Variants in MITF observed in about 807,000 individuals in gnomAD.
MITF encodes microphthalmia-associated transcription factor.
A neutral mutation model predicts 60.5 loss-of-function variants in MITF; 17 were observed. The ratio of observed to expected loss-of-function variants is 0.28; its 90% CI spans 0.19 to 0.42. The LOEUF (loss-of-function observed/expected upper bound fraction) is 0.42, where lower values mean the gene tolerates loss of function less well. Among genes scored for constraint, MITF ranks in the 10% least tolerant of loss-of-function variants. The pLI is 1.00. For missense variants in MITF, 622 were observed against 683.5 expected (o/e 0.91, Z 1.00); for synonymous variants, 260 against 248.5 (o/e 1.05, Z -0.43).
intron 1 of MITF, among the ~76,000 whole-genome samples, chr3:69,799,053 G>T (rs73838667): frequency 6.6e-6 from 1 of 152,126 alleles, no homozygotes; most frequent in Admixed American, 6.5e-5. Context: ...GGATTACCAT[G>T]GTATGTTTCT....
chr3:69,868,272 C>G (rs2064154522), intron 1 of MITF, among the ~76,000 whole-genome samples: 1 of 152,140 alleles, frequency 6.6e-6, no homozygotes, highest in East Asian at 1.9e-4. Flanking sequence ...CTTTCCACCC[C>G]CATTTTGCAG....
At chr3:69,947,211 T>A (rs969875161) in intron 5 of MITF, among the ~76,000 whole-genome samples, 2 of 152,238 alleles carry the variant, frequency 1.3e-5, no homozygotes, top group Non-Finnish European at 2.9e-5. Flanking sequence ...TTCTTTTAGC[T>A]TATTGCTTTG....
intron 3 of MITF, 24 bp from the exon 4 acceptor site, chr3:69,939,074 C>T (rs1473029694): frequency 1.2e-6 from 2 of 1,612,678 alleles, no homozygotes; most frequent in Non-Finnish European, 1.7e-6. Flanking sequence ...AAGTTATAGA[C>T]TGTTTTTGCT....
At chr3:69,829,214 C>G (rs2063405896) in intron 1 of MITF, among the ~76,000 whole-genome samples, 1 of 152,116 alleles carries the variant, frequency 6.6e-6, no homozygotes, top group Admixed American at 6.6e-5. Context: ...ATAAAAGTAT[C>G]AGCCTGTGAT....
Position 69,967,825 on chromosome 3 carries a change from C to T in MITF, c.*2577C>T, listed in dbSNP as rs1193496754. 1 of 233,076 alleles carries T rather than the reference C, an allele frequency of 4.3e-6. No homozygotes were observed. Among genetic ancestry groups the T allele is most frequent in the South Asian group, 1.8e-4 (1 of 5,526 alleles). 14.4% of individuals were successfully genotyped at this position (233,076 alleles called of 1,614,324 possible). A position where few individuals can be genotyped will look rare whatever the true frequency, so the allele number is the denominator to read the frequency against. On this transcript the variant is annotated 3_prime_UTR_variant, in exon 10 of 10. Coordinates refer to ENST00000352241, the MANE Select transcript of MITF (RefSeq NM_001354604.2). ...AACAAGAAAATGATCCACACCACTC[C>T]CCCGATTCCCGGGTGCAGAATTGTA...
intron 2 of MITF, among the ~76,000 whole-genome samples, chr3:69,921,559 T>C (rs775128673): frequency 6.6e-6 from 1 of 152,234 alleles, no homozygotes; most frequent in African/African-American, 2.4e-5. Context: ...CAGTATGAAT[T>C]CTTGAGTATT....
chr3:69,820,783 C>G (rs1425394030), intron 1 of MITF, among the ~76,000 whole-genome samples: 1 of 152,080 alleles, frequency 6.6e-6, no homozygotes, highest in Non-Finnish European at 1.5e-5. Flanking sequence ...GCACTTTGGG[C>G]AACATCGTGA....
chr3:69,859,939 A>G (rs2063983601), intron 1 of MITF, among the ~76,000 whole-genome samples: 1 of 152,136 alleles, frequency 6.6e-6, no homozygotes, highest in South Asian at 2.1e-4. Flanking sequence ...TGTCCCCCAC[A>G]CTGATGACGG....
chr3:69,759,645 C>G (rs1186591458), intron 1 of MITF, among the ~76,000 whole-genome samples: 2 of 152,204 alleles, frequency 1.3e-5, no homozygotes, highest in African/African-American at 4.8e-5. Flanking sequence ...TTTCTTGCAT[C>G]TGTATTTCTC....
At chr3:69,948,424 C>G (rs1218627990) in intron 5 of MITF, among the ~76,000 whole-genome samples, 1 of 150,940 alleles carries the variant, frequency 6.6e-6, no homozygotes, top group African/African-American at 2.4e-5. Context: ...TTATTATTCT[C>G]TTGAAAGTGT....
At chr3:69,888,897 C>T (rs1025273093) in intron 2 of MITF, among the ~76,000 whole-genome samples, 9 of 151,498 alleles carry the variant, frequency 5.9e-5, no homozygotes, top group Admixed American at 2.0e-4. Context: ...AAACAAAAAA[C>T]GAAAAAATCC....
chr3:69,910,054 G>C (rs1051087195), intron 2 of MITF, among the ~76,000 whole-genome samples: 2 of 152,162 alleles, frequency 1.3e-5, no homozygotes, highest in Admixed American at 1.3e-4. Context: ...GGAAAAAGTG[G>C]TTCCAAGTGC....
intron 2 of MITF, among the ~76,000 whole-genome samples, chr3:69,927,159 TA>T (rs1315467590): frequency 2.6e-5 from 4 of 152,348 alleles, no homozygotes; most frequent in East Asian, 3.9e-4. Context: ...AAATAGCATT[TA>T]AAAATCAATT....
intron 2 of MITF, among the ~76,000 whole-genome samples, chr3:69,881,570 GTT>G (rs2064488645): frequency 6.6e-6 from 1 of 151,840 alleles, no homozygotes; most frequent in Non-Finnish European, 1.5e-5. Context: ...CATAAATATA[GTT>G]GGCTTATTTT....
At chr3:69,753,245 C>T (rs753994410) in intron 1 of MITF, among the ~76,000 whole-genome samples, 20 of 152,228 alleles carry the variant, frequency 1.3e-4, no homozygotes, top group Non-Finnish European at 2.2e-4. Flanking sequence ...GCCTTGGTGG[C>T]TTCCATGTGG....
At chr3:69,928,340 T>C (rs1280100698) in intron 2 of MITF, among the ~76,000 whole-genome samples, 1 of 152,264 alleles carries the variant, frequency 6.6e-6, no homozygotes, top group East Asian at 1.9e-4. Flanking sequence ...TATGAGATTG[T>C]TCATTTCATG....
intron 1 of MITF, among the ~76,000 whole-genome samples, chr3:69,834,846 C>CTTT (rs71126468): frequency 0.023 from 2,927 of 129,612 alleles, 124 homozygotes; most frequent in African/African-American, 0.072. Flanking sequence ...GTTTTCTTTT[C>CTTT]TTTTTTTTTT....
chr3:69,921,699 G>T (rs559469091), intron 2 of MITF, among the ~76,000 whole-genome samples: 4 of 152,308 alleles, frequency 2.6e-5, no homozygotes, highest in African/African-American at 9.6e-5. Context: ...TAAGAAGGAA[G>T]CATGTCAATA....
Position 69,964,544 on chromosome 3 carries a change from A to G in MITF, c.1180-303A>G, listed in dbSNP as rs2066635290. 1.5e-5 allele frequency among the ~76,000 whole-genome samples: 2 copies of G among 134,228 alleles called. 1 individual carries two copies. The highest frequency in any genetic ancestry group is 5.8e-5 in the African/African-American group (2 of 34,454). The allele number at this position is 134,228 out of a possible 152,430, so 88.1% of individuals were successfully genotyped here. On this transcript the variant is annotated intron_variant, in intron 9 of 9. Coordinates refer to ENST00000352241, the MANE Select transcript of MITF (RefSeq NM_001354604.2). ...AGGACAGTTTTTGGTTCACAGTAAA[A>G]TTGAAATGAAGCTGCAGATATTTCC...
Sources: allele counts gnomAD v4.1 joint callset (sites outside exome capture counted in the v4.1 genomes callset), GRCh38; gene constraint gnomAD v4.1.1; transcripts MANE v1.5; gene names NCBI Gene and HGNC (gene_info 2026-07-23, HGNC 2026-07-21).